The following SLCO3A1 variants were observed in gnomAD, a reference collection of about 807,000 sequenced individuals.
SLCO3A1 encodes PGE1 transporter.
A neutral mutation model predicts 63.1 loss-of-function variants in SLCO3A1; 27 were observed. The ratio of observed to expected loss-of-function variants is 0.43; its 90% CI spans 0.32 to 0.59. The LOEUF is 0.59. Among genes scored for constraint, SLCO3A1 ranks in the 20% least tolerant of loss-of-function variants. The pLI is 0.09. For synonymous variants in SLCO3A1, 473 were observed against 409.9 expected, an observed-to-expected ratio of 1.15 and a Z score of -1.86; for missense variants, 773 against 945.8, an observed-to-expected ratio of 0.82 and a Z score of 2.40.
intron 2 of SLCO3A1, among the ~76,000 whole-genome samples, chr15:91,962,479 CAAAA>C (rs35274991): frequency 3.7e-5 from 3 of 81,734 alleles, no homozygotes; most frequent in South Asian, 1.0e-3. Flanking sequence ...AACTCCGTCT[CAAAA>C]AAAAAAAAAA....
chr15:91,927,399 A>G (rs1230888572), intron 2 of SLCO3A1, among the ~76,000 whole-genome samples: 1 of 152,160 alleles, frequency 6.6e-6, no homozygotes, highest in Non-Finnish European at 1.5e-5. Flanking sequence ...TGTTCTTACT[A>G]AGAAAAAGAC....
At chr15:91,990,090 A>G (rs1226587483) in intron 2 of SLCO3A1, among the ~76,000 whole-genome samples, 1 of 152,184 alleles carries the variant, frequency 6.6e-6, no homozygotes, top group Non-Finnish European at 1.5e-5. Context: ...TTTTAAAATG[A>G]TGGCGGGAGG....
intron 2 of SLCO3A1, among the ~76,000 whole-genome samples, chr15:92,040,641 A>G (rs938242528): frequency 6.6e-6 from 1 of 152,058 alleles, no homozygotes; most frequent in Admixed American, 6.6e-5. Flanking sequence ...TGCCTGTGCA[A>G]TTTTGAGGAG....
intron 2 of SLCO3A1, among the ~76,000 whole-genome samples, chr15:91,984,923 T>C (rs577453015): frequency 3.9e-5 from 6 of 152,336 alleles, no homozygotes; most frequent in Admixed American, 6.5e-5. Flanking sequence ...ACTCACACTT[T>C]TTTTTGCAGT....
At position 92,028,825 on chromosome 15, in the gene SLCO3A1, A is replaced by G. The variant is rs2046608140; in HGVS notation, c.647-66056A>G. On this transcript the variant is annotated intron_variant, in intron 2 of 9. Coordinates refer to ENST00000318445, the MANE Select transcript of SLCO3A1 (RefSeq NM_013272.4). ...GTTTGGCATTCCCAAGAATTTTTGT[A>G]GGATCTGGAAATGAGAGTGTTTTGC... Among the ~76,000 whole-genome samples the G allele has an allele frequency of 2.6e-5, 4 of 151,804 alleles. No homozygotes were observed. In the South Asian group the frequency reaches 8.3e-4, roughly 32 times the overall value.
intron 9 of SLCO3A1, among the ~76,000 whole-genome samples, chr15:92,154,151 G>A (rs779023602): frequency 6.6e-6 from 1 of 152,204 alleles, no homozygotes; most frequent in Non-Finnish European, 1.5e-5. Flanking sequence ...GATGGTGCTC[G>A]CAGGATGGGG....
chr15:91,931,247 C>T (rs1899217939), intron 2 of SLCO3A1, among the ~76,000 whole-genome samples: 1 of 152,168 alleles, frequency 6.6e-6, no homozygotes, highest in South Asian at 2.1e-4. Context: ...TGATGCGATG[C>T]ATTATGCAGG....
chr15:92,142,557 G>T (rs1170758977), intron 7 of SLCO3A1, among the ~76,000 whole-genome samples: 1 of 152,136 alleles, frequency 6.6e-6, no homozygotes, highest in African/African-American at 2.4e-5. Context: ...GTATCACATT[G>T]GTGATTATTT....
intron 1 of SLCO3A1, among the ~76,000 whole-genome samples, chr15:91,889,926 C>CT (rs1393136013): frequency 6.6e-6 from 1 of 151,922 alleles, no homozygotes. Flanking sequence ...GTATCCTAGA[C>CT]TGAGTTATGC....
chr15:92,125,479 A>G (rs2047910052), intron 5 of SLCO3A1, among the ~76,000 whole-genome samples: 3 of 152,180 alleles, frequency 2.0e-5, no homozygotes, highest in African/African-American at 7.2e-5. Context: ...CAAGAGCTAC[A>G]AAACATATTG....
intron 2 of SLCO3A1, among the ~76,000 whole-genome samples, chr15:91,939,820 C>T (rs189865878): frequency 6.6e-6 from 1 of 152,324 alleles, no homozygotes; most frequent in East Asian, 1.9e-4. Context: ...TCACAGGGTG[C>T]TGCTTCGAGC....
At chr15:91,874,528 G>A (rs952163758) in intron 1 of SLCO3A1, among the ~76,000 whole-genome samples, 3 of 152,314 alleles carry the variant, frequency 2.0e-5, no homozygotes, top group South Asian at 2.1e-4. Flanking sequence ...GTTTCAGTCA[G>A]CATAATGTCC....
chr15:91,970,256 T>C (rs1900810885), intron 2 of SLCO3A1, among the ~76,000 whole-genome samples: 1 of 152,256 alleles, frequency 6.6e-6, no homozygotes, highest in Non-Finnish European at 1.5e-5. Context: ...ATTTAAAATC[T>C]GGCCAGAGCA....
rs1009198255 is a variant in SLCO3A1 at position 91,911,719 on chromosome 15, C to T, written c.181-4274C>T. Among the ~76,000 whole-genome samples the T allele has an allele frequency of 2.6e-5, 4 of 152,084 alleles. No individual in the cohort carries two copies. The East Asian group carries it at 5.8e-4, about 22-fold the overall frequency. On this transcript the variant is annotated intron_variant, in intron 1 of 9. Coordinates refer to ENST00000318445, the MANE Select transcript of SLCO3A1 (RefSeq NM_013272.4). ...TTGGCTCACTGCAACCTCTGCCTCC[C>T]GGGTTCAAGCAGTTCTCCTGCCTCA...
chr15:92,154,359 C>T (rs1214220200), intron 9 of SLCO3A1, among the ~76,000 whole-genome samples: 1 of 152,148 alleles, frequency 6.6e-6, no homozygotes, highest in Non-Finnish European at 1.5e-5. Flanking sequence ...TGGTGTAGAC[C>T]AGCGCTCTCC....
rs931500390 is a variant in SLCO3A1 at position 91,863,573 on chromosome 15, C to A, written c.180+9485C>A. ...TTCCAGTGTGGCACATCACACCATC[C>A]TCTTCTTGAAGCTATACATGCGTGG... is the stretch of plus-strand genomic sequence containing the variant. On this transcript the variant is annotated intron_variant, in intron 1 of 9. Coordinates refer to ENST00000318445, the MANE Select transcript of SLCO3A1 (RefSeq NM_013272.4). This position sits in a 1 kb window ranked among gnomAD's most constrained non-coding sequence, Gnocchi z 4.3. 6.6e-6 allele frequency among the ~76,000 whole-genome samples: 1 copy of A among 152,232 alleles called. No individual in the cohort carries two copies. The highest frequency in any genetic ancestry group is 2.4e-5 in the African/African-American group (1 of 41,472).
intron 2 of SLCO3A1, among the ~76,000 whole-genome samples, chr15:92,050,286 C>A (rs1010385725): frequency 6.6e-6 from 1 of 152,144 alleles, no homozygotes; most frequent in African/African-American, 2.4e-5. Context: ...CTTGAGGAGT[C>A]GCCAGCCACA....
intron 1 of SLCO3A1, among the ~76,000 whole-genome samples, chr15:91,901,870 C>G (rs1338957809): frequency 6.6e-6 from 1 of 151,284 alleles, no homozygotes; most frequent in Non-Finnish European, 1.5e-5. Flanking sequence ...TTGTATTTCA[C>G]TACATTTTGG....
intron 2 of SLCO3A1, among the ~76,000 whole-genome samples, chr15:91,939,226 C>T (rs940282849): frequency 1.3e-5 from 2 of 151,936 alleles, no homozygotes; most frequent in African/African-American, 2.4e-5. Context: ...AAAACAGGAA[C>T]GAGAGAGAGA....
Sources: gnomAD v4.1 joint callset for allele counts (sites outside exome capture counted in the v4.1 genomes callset) on GRCh38, gnomAD v4.1.1 for gene constraint, Gnocchi (gnomAD v3.1) non-coding constraint, MANE v1.5 for transcripts, NCBI Gene and HGNC (gene_info 2026-07-23, HGNC 2026-07-21) for gene names.